PARN: variants seen among roughly 807,000 people sequenced by gnomAD.
PARN encodes the protein poly(A)-specific ribonuclease PARN.
PARN carries 71 observed loss-of-function variants against 102.8 expected under a neutral mutation model. That is an observed-to-expected ratio of 0.69 (90% CI 0.57 to 0.84). The LOEUF (loss-of-function observed/expected upper bound fraction) is 0.84. Ranked by LOEUF, PARN falls within the 40% of genes least tolerant of loss-of-function variation. The pLI, the probability that PARN is intolerant of heterozygous loss-of-function variation, is 0.00. For missense variants in PARN, 782 were observed against 760.9 expected, an observed-to-expected ratio of 1.03 and a Z score of -0.33; for synonymous variants, 261 against 252.9, an observed-to-expected ratio of 1.03 and a Z score of -0.30.
At chr16:14,488,630 G>A (rs1021708178) in intron 21 of PARN, among the ~76,000 whole-genome samples, 3 of 152,230 alleles carry the variant, frequency 2.0e-5, no homozygotes, top group East Asian at 1.9e-4. Flanking sequence ...AGAGATGCTC[G>A]GCCACAGACA....
intron 5 of PARN, among the ~76,000 whole-genome samples, chr16:14,626,499 A>C (rs1241160409): frequency 1.3e-5 from 2 of 152,176 alleles, no homozygotes; most frequent in African/African-American, 4.8e-5. Context: ...GGGGTAAAAT[A>C]ATAAAAATCC....
chr16:14,444,609 T>C (rs965457178), intron 23 of PARN, among the ~76,000 whole-genome samples: 4 of 152,068 alleles, frequency 2.6e-5, no homozygotes, highest in African/African-American at 9.7e-5. Context: ...AGTAATAAAC[T>C]AAAAAAATCC....
intron 17 of PARN, among the ~76,000 whole-genome samples, chr16:14,581,178 G>A (rs1046461000): frequency 1.3e-5 from 2 of 151,940 alleles, no homozygotes; most frequent in Non-Finnish European, 2.9e-5. Flanking sequence ...TCAGCCTCCC[G>A]AGGACCAGGG....
At chr16:14,513,265 C>T (rs761795978) in intron 21 of PARN, among the ~76,000 whole-genome samples, 4 of 152,064 alleles carry the variant, frequency 2.6e-5, no homozygotes, top group Non-Finnish European at 5.9e-5. Flanking sequence ...GTATAATTAT[C>T]AAAAACAAAA....
At chr16:14,465,078 T>C (rs2151577426) in intron 22 of PARN, among the ~76,000 whole-genome samples, 1 of 152,332 alleles carries the variant, frequency 6.6e-6, no homozygotes, top group East Asian at 1.9e-4. Flanking sequence ...TTTCTTTTTT[T>C]TAAATGAGAT....
intron 22 of PARN, among the ~76,000 whole-genome samples, chr16:14,480,154 G>A (rs1024185858): frequency 1.1e-4 from 16 of 151,400 alleles, no homozygotes; most frequent in Non-Finnish European, 1.5e-4. Flanking sequence ...GCAACATGGC[G>A]AAACCCTGTC....
intron 20 of PARN, among the ~76,000 whole-genome samples, chr16:14,553,854 A>G (rs956790165): frequency 1.3e-5 from 2 of 152,250 alleles, no homozygotes; most frequent in African/African-American, 4.8e-5. Flanking sequence ...ATGAATTAAT[A>G]GCTCTGTATT....
At chr16:14,616,652 G>A (rs903956968) in intron 6 of PARN, among the ~76,000 whole-genome samples, 10 of 152,116 alleles carry the variant, frequency 6.6e-5, no homozygotes, top group African/African-American at 2.4e-4. Context: ...GGTGAGGTGG[G>A]AGGATCATTT....
chr16:14,496,081 A>AC (rs1467664890), intron 21 of PARN, among the ~76,000 whole-genome samples: 1 of 152,078 alleles, frequency 6.6e-6, no homozygotes, highest in African/African-American at 2.4e-5. Flanking sequence ...CCTCAAAACC[A>AC]CCCCACAAAG....
rs1972006477 is a variant in PARN, at chr16:14,617,592, T to C, written c.386A>G (p.Asn129Ser). The C allele has an allele frequency of 1.3e-6, 2 of 1,513,174 alleles. No homozygotes were observed. The highest frequency in any genetic ancestry group is 1.8e-6 in the Non-Finnish European group (2 of 1,088,096). The allele number at this position is 1,513,174 out of a possible 1,614,324, so 93.7% of individuals were successfully genotyped here. A position where few individuals can be genotyped will look rare whatever the true frequency, so the allele number is the denominator to read the frequency against. ...AGATAGGTTACCCATAATCTTACCATTTCGAAAAACTTTATTAAAATCAAA... is the reference window on the plus strand; with the variant it reads ...AGATAGGTTACCCATAATCTTACCACTTCGAAAAACTTTATTAAAATCAAA... Reference protein sequence around the residue: ...QGFDFNKVFRNGIPYLNQEEE... With the variant: ...QGFDFNKVFRSGIPYLNQEEE... Residue 129 changes from asparagine to serine, a missense_variant and splice_region_variant, in exon 6 of 24, where the codon AAT becomes AGT. By Grantham distance (46) the Asn-to-Ser change is conservative. Coordinates refer to ENST00000437198, the MANE Select transcript of PARN (RefSeq NM_002582.4).
rs988815435 is a variant in PARN at position 14,630,178 on chromosome 16, G to T, written c.-53C>A. ...CACCCGGGCCCGCGCCCGCCTCAGC[G>T]GTTCTACTCGCCGAATTCCGCGGCG... On this transcript the variant is annotated 5_prime_UTR_variant, in exon 1 of 24. Coordinates refer to ENST00000437198, the MANE Select transcript of PARN (RefSeq NM_002582.4). 1 of 1,504,232 alleles carries T rather than the reference G, an allele frequency of 6.6e-7. No homozygotes were observed. The highest frequency in any genetic ancestry group is 9.0e-7 in the Non-Finnish European group (1 of 1,109,186). 93.2% of individuals were successfully genotyped at this position (1,504,232 alleles called of 1,614,324 possible).
intron 21 of PARN, among the ~76,000 whole-genome samples, chr16:14,518,449 T>A (rs1361290861): frequency 6.6e-6 from 1 of 151,500 alleles, no homozygotes; most frequent in African/African-American, 2.4e-5. Flanking sequence ...AAAAAAAAAA[T>A]TCAGATTGGC....
intron 18 of PARN, among the ~76,000 whole-genome samples, chr16:14,560,569 T>C (rs759474841): frequency 4.6e-5 from 7 of 152,230 alleles, no homozygotes; most frequent in African/African-American, 7.2e-5. Context: ...CTAGATGTCA[T>C]AGAGCAAGTT....
chr16:14,497,809 T>A (rs1964393311), intron 21 of PARN, among the ~76,000 whole-genome samples: 1 of 152,172 alleles, frequency 6.6e-6, no homozygotes, highest in Non-Finnish European at 1.5e-5. Flanking sequence ...GTGGATGTTT[T>A]GAAGTGGTTT....
At chr16:14,523,417 T>C (rs1965841454) in intron 21 of PARN, among the ~76,000 whole-genome samples, 1 of 152,180 alleles carries the variant, frequency 6.6e-6, no homozygotes. Flanking sequence ...TTACAAAACC[T>C]GACTAGGCCA....
intron 21 of PARN, among the ~76,000 whole-genome samples, chr16:14,498,122 C>CAAAAA (rs34124932): frequency 4.5e-5 from 2 of 44,852 alleles, no homozygotes; most frequent in African/African-American, 8.9e-5. Flanking sequence ...GACTCCATCT[C>CAAAAA]AAAAAAAAAA....
At chr16:14,473,190 C>T (rs1010321447) in intron 22 of PARN, among the ~76,000 whole-genome samples, 1 of 152,096 alleles carries the variant, frequency 6.6e-6, no homozygotes, top group African/African-American at 2.4e-5. Flanking sequence ...CAGGAGCTGC[C>T]ACTGGGAAGA....
At chr16:14,438,534 AG>A (rs1433369118) in intron 23 of PARN, among the ~76,000 whole-genome samples, 14 of 151,838 alleles carry the variant, frequency 9.2e-5, no homozygotes, top group African/African-American at 3.1e-4. Flanking sequence ...ATAAGCAAAA[AG>A]TTCTGGAGTA....
intron 18 of PARN, 83 bp downstream of exon 18, chr16:14,580,791 C>T: frequency 1.3e-6 from 1 of 748,750 alleles, no homozygotes; most frequent in Non-Finnish European, 2.3e-6. Flanking sequence ...TTATAGCTCC[C>T]AATAACTCCA....
Sources: allele counts gnomAD v4.1 joint callset (sites outside exome capture counted in the v4.1 genomes callset), GRCh38; gene constraint gnomAD v4.1.1; transcripts MANE v1.5; gene names NCBI Gene and HGNC (gene_info 2026-07-23, HGNC 2026-07-21).